The following ADGRL3 variants were observed in gnomAD, a reference collection of about 807,000 sequenced individuals.
The protein encoded by ADGRL3 is calcium-independent alpha-latrotoxin receptor 3.
A neutral mutation model predicts 153.5 loss-of-function variants in ADGRL3; 62 were observed. The observed-to-expected ratio is 0.40, with a 90% confidence interval of 0.33 to 0.50. ADGRL3 has a LOEUF of 0.50. Ranked by LOEUF, ADGRL3 falls within the 20% of genes least tolerant of loss-of-function variation. The pLI, the probability that ADGRL3 is intolerant of heterozygous loss-of-function variation, is 0.47. For synonymous variants in ADGRL3, 710 were observed against 672.5 expected, an observed-to-expected ratio of 1.06 and a Z score of -0.86; for missense variants, 1,641 against 1,859.4, an observed-to-expected ratio of 0.88 and a Z score of 2.16.
At chr4:61,432,129 A>T (rs1432517062) in intron 2 of ADGRL3, among the ~76,000 whole-genome samples, 3 of 152,218 alleles carry the variant, frequency 2.0e-5, no homozygotes, top group African/African-American at 7.2e-5. Context: ...ACTCATTTCA[A>T]GATATAATTG....
intron 1 of ADGRL3, among the ~76,000 whole-genome samples, chr4:61,375,124 G>A (rs1436381334): frequency 1.3e-5 from 2 of 151,818 alleles, no homozygotes. Context: ...GAAACTGCGT[G>A]AGTTTACAAA....
At chr4:61,775,713 T>G in intron 8 of ADGRL3, 1 of 1,252,176 alleles carries the variant, frequency 8.0e-7, no homozygotes, top group South Asian at 1.2e-5. Context: ...AAAGGTGGGC[T>G]TGGTGCTTGT....
chr4:61,808,894 C>T (rs2097578962), intron 8 of ADGRL3, among the ~76,000 whole-genome samples: 1 of 151,334 alleles, frequency 6.6e-6, no homozygotes, highest in African/African-American at 2.4e-5. Flanking sequence ...TGGGTTCCCT[C>T]TTCCCCACAT....
intron 17 of ADGRL3, among the ~76,000 whole-genome samples, chr4:61,959,648 A>G (rs1266424652): frequency 6.6e-6 from 1 of 152,194 alleles, no homozygotes; most frequent in Non-Finnish European, 1.5e-5. Flanking sequence ...AGGCTAGAAG[A>G]AAACACTAGG....
At chr4:62,067,891 T>C (rs1279258934) in intron 25 of ADGRL3, among the ~76,000 whole-genome samples, 3 of 152,084 alleles carry the variant, frequency 2.0e-5, no homozygotes, top group Non-Finnish European at 4.4e-5. Context: ...TAAGTGTGTA[T>C]TTGTTTGAAA....
At chr4:61,740,356 A>T (rs1049855762) in intron 8 of ADGRL3, among the ~76,000 whole-genome samples, 1 of 152,184 alleles carries the variant, frequency 6.6e-6, no homozygotes, top group Non-Finnish European at 1.5e-5. Flanking sequence ...CTCTAAAACC[A>T]TATGTTCTAT....
chr4:61,508,329 C>A (rs1269807535), intron 3 of ADGRL3, among the ~76,000 whole-genome samples: 1 of 152,048 alleles, frequency 6.6e-6, no homozygotes, highest in African/African-American at 2.4e-5. Flanking sequence ...AAAGTTGGTT[C>A]TTTTGTTCTT....
At chr4:61,834,521 T>C (rs1261051628) in intron 9 of ADGRL3, among the ~76,000 whole-genome samples, 1 of 152,180 alleles carries the variant, frequency 6.6e-6, no homozygotes, top group Non-Finnish European at 1.5e-5. Flanking sequence ...TCAAGATCCC[T>C]GAGGAATCGA....
At chr4:61,323,149 A>G (rs1199828407) in intron 1 of ADGRL3, among the ~76,000 whole-genome samples, 2 of 152,112 alleles carry the variant, frequency 1.3e-5, no homozygotes, top group African/African-American at 2.4e-5. Flanking sequence ...TCTACATTGG[A>G]CCCTTTTAGT....
intron 1 of ADGRL3, among the ~76,000 whole-genome samples, chr4:61,259,190 C>G (rs565362085): frequency 6.6e-6 from 1 of 152,036 alleles, no homozygotes; most frequent in Non-Finnish European, 1.5e-5. Flanking sequence ...TTTGGGAGGC[C>G]GAGGCGGCGG....
intron 9 of ADGRL3, among the ~76,000 whole-genome samples, chr4:61,862,849 G>A (rs1184189751): frequency 6.6e-6 from 1 of 152,166 alleles, no homozygotes; most frequent in African/African-American, 2.4e-5. Context: ...CACTAGATCA[G>A]TGGTTCTCAT....
chr4:62,038,401 G>C (rs768675786), intron 24 of ADGRL3, among the ~76,000 whole-genome samples: 4 of 152,176 alleles, frequency 2.6e-5, no homozygotes, highest in Middle Eastern at 6.8e-3. Context: ...CCCAGCACTA[G>C]ACGTAGCAGT....
intron 9 of ADGRL3, among the ~76,000 whole-genome samples, chr4:61,818,094 C>T (rs1030645684): frequency 2.6e-5 from 4 of 152,100 alleles, no homozygotes; most frequent in Non-Finnish European, 4.4e-5. Flanking sequence ...AGTCCACAGT[C>T]CAAACTCTTA....
At chr4:61,596,147 C>T (rs1175433858) in intron 5 of ADGRL3, among the ~76,000 whole-genome samples, 3 of 152,100 alleles carry the variant, frequency 2.0e-5, no homozygotes, top group Non-Finnish European at 4.4e-5. Flanking sequence ...ATTTTTGGTT[C>T]TTGTCATGGA....
chr4:61,385,934 T>C (rs1048979806), intron 2 of ADGRL3, among the ~76,000 whole-genome samples: 7 of 152,140 alleles, frequency 4.6e-5, no homozygotes, highest in Admixed American at 4.6e-4. Context: ...TATCTCTTTC[T>C]TTCACTTACT....
chr4:61,530,613 A>C (rs1287601889), intron 4 of ADGRL3, among the ~76,000 whole-genome samples: 1 of 152,072 alleles, frequency 6.6e-6, no homozygotes, highest in Non-Finnish European at 1.5e-5. Flanking sequence ...TTCATTATTT[A>C]AGTTTCCCTG....
intron 2 of ADGRL3, among the ~76,000 whole-genome samples, chr4:61,394,401 A>G (rs1055692438): frequency 2.6e-5 from 4 of 152,058 alleles, no homozygotes; most frequent in South Asian, 2.1e-4. Flanking sequence ...TAGCTACAGT[A>G]TTCTTTGAAC....
chr4:61,788,246 C>T (rs187421189), intron 8 of ADGRL3, among the ~76,000 whole-genome samples: 1 of 152,278 alleles, frequency 6.6e-6, no homozygotes, highest in East Asian at 1.9e-4. Context: ...TAGTGAAAAC[C>T]AGTGCAGCAA....
chr4:61,456,427 A>ATC (rs1300702830), intron 2 of ADGRL3, among the ~76,000 whole-genome samples: 599 of 55,494 alleles, frequency 0.011, 27 homozygotes, highest in African/African-American at 0.027. Flanking sequence ...ATATATCTAT[A>ATC]TCTATATATA....
Sources: gnomAD v4.1 joint callset for allele counts (sites outside exome capture counted in the v4.1 genomes callset) on GRCh38, gnomAD v4.1.1 for gene constraint, MANE v1.5 for transcripts, NCBI Gene and HGNC (gene_info 2026-07-23, HGNC 2026-07-21) for gene names.